The following NELL1 variants were observed in gnomAD, a reference collection of about 807,000 sequenced individuals.
NELL1 encodes the protein protein kinase C-binding protein NELL1.
NELL1 carries 76 observed loss-of-function variants against 107.4 expected under a neutral mutation model. That is an observed-to-expected ratio of 0.71 (90% CI 0.59 to 0.86). The LOEUF is 0.86. NELL1 is among the 40% of genes least tolerant of loss of function. The probability of loss-of-function intolerance (pLI) is 0.00; values close to 1 mark genes in which losing one functional copy is unlikely to be tolerated. For missense variants in NELL1, 1,024 were observed against 1,005.5 expected, an observed-to-expected ratio of 1.02 and a Z score of -0.25; for synonymous variants, 353 against 341.2, an observed-to-expected ratio of 1.03 and a Z score of -0.38.
chr11:20,905,057 C>G (rs2134137964), intron 5 of NELL1, among the ~76,000 whole-genome samples: 2 of 148,496 alleles, frequency 1.3e-5, no homozygotes, highest in Middle Eastern at 7.0e-3. Context: ...CCAGGCAGGT[C>G]TCAAACTCCT....
At position 21,095,617 on chromosome 11, in the gene NELL1, CT is replaced by C. The variant is rs1034904211; in HGVS notation, c.1301-17963del. The stretch of plus-strand genomic sequence containing the variant: ...ATGAGGAGTAAGTCACGTCTTTTTT[CT>C]TTTTTTTTCAAGACAGAGTTTTGTT... On this transcript the variant is annotated intron_variant, in intron 12 of 19. Coordinates refer to ENST00000357134, the MANE Select transcript of NELL1 (RefSeq NM_006157.5). Among the ~76,000 whole-genome samples the C allele has an allele frequency of 1.1e-3, 170 of 151,040 alleles. 1 individual carries two copies. Among genetic ancestry groups the C allele is most frequent in the East Asian group, 1.2e-3 (6 of 5,118 alleles).
chr11:20,744,093 G>A (rs755540339), intron 2 of NELL1, among the ~76,000 whole-genome samples: 2 of 152,086 alleles, frequency 1.3e-5, no homozygotes, highest in Non-Finnish European at 2.9e-5. Flanking sequence ...ATCTCACTGT[G>A]TCCATAGCCA....
At chr11:21,276,202 G>A (rs1848853486) in intron 14 of NELL1, among the ~76,000 whole-genome samples, 1 of 152,200 alleles carries the variant, frequency 6.6e-6, no homozygotes, top group South Asian at 2.1e-4. Context: ...CTTCAGCAAA[G>A]TCTCAGGATA....
intron 15 of NELL1, among the ~76,000 whole-genome samples, chr11:21,437,092 T>C (rs1272309024): frequency 6.6e-6 from 1 of 152,184 alleles, no homozygotes; most frequent in East Asian, 1.9e-4. Context: ...TCTGTAGCTT[T>C]TGGGTAAAAT....
chr11:21,402,261 T>C (rs77830232), intron 15 of NELL1, among the ~76,000 whole-genome samples: 3,198 of 151,926 alleles, frequency 0.021, 161 homozygotes, highest in African/African-American at 0.072. Flanking sequence ...GATCTCTTTC[T>C]ATACTTTGAG....
At chr11:20,796,333 AATTG>A in intron 3 of NELL1, among the ~76,000 whole-genome samples, 1 of 152,278 alleles carries the variant, frequency 6.6e-6, no homozygotes, top group Non-Finnish European at 1.5e-5. Flanking sequence ...ACTTTTATAA[AATTG>A]ATTGAAGAAT....
chr11:21,003,776 T>A (rs1852273737), intron 12 of NELL1, among the ~76,000 whole-genome samples: 1 of 152,100 alleles, frequency 6.6e-6, no homozygotes, highest in African/African-American at 2.4e-5. Flanking sequence ...GATTACCTTT[T>A]TTTAATTTTT....
chr11:21,193,858 T>C (rs1452918206), intron 13 of NELL1, among the ~76,000 whole-genome samples: 1 of 151,900 alleles, frequency 6.6e-6, no homozygotes, highest in Non-Finnish European at 1.5e-5. Context: ...CTCACTTTGA[T>C]GGAGAAAATA....
At chr11:21,418,013 C>T (rs1251093211) in intron 15 of NELL1, among the ~76,000 whole-genome samples, 1 of 152,058 alleles carries the variant, frequency 6.6e-6, no homozygotes, top group East Asian at 1.9e-4. Context: ...CATACACTGG[C>T]TAAATGAATC....
At chr11:20,918,050 G>A in intron 5 of NELL1, 132 bp from the exon 6 acceptor site, 1 of 677,902 alleles carries the variant, frequency 1.5e-6, no homozygotes, top group South Asian at 1.7e-5. Flanking sequence ...TATATACTAA[G>A]GCCAGCTCAC....
At chr11:20,933,837 G>A (rs989001310) in intron 9 of NELL1, among the ~76,000 whole-genome samples, 10 of 152,112 alleles carry the variant, frequency 6.6e-5, no homozygotes, top group South Asian at 2.1e-4. Flanking sequence ...GGTGTCTGTC[G>A]GTGCAAAAAG....
intron 2 of NELL1, among the ~76,000 whole-genome samples, chr11:20,704,241 C>A (rs960063585): frequency 8.5e-5 from 13 of 152,238 alleles, no homozygotes; most frequent in African/African-American, 2.2e-4. Flanking sequence ...TTGAATTGAT[C>A]CCTTTACCAT....
intron 4 of NELL1, among the ~76,000 whole-genome samples, chr11:20,865,366 G>A (rs1590361539): frequency 2.0e-5 from 3 of 152,162 alleles, no homozygotes. Flanking sequence ...TTCAAAAGAG[G>A]GTGTGCTCAG....
At chr11:21,420,810 A>T (rs1020139249) in intron 15 of NELL1, among the ~76,000 whole-genome samples, 4 of 152,178 alleles carry the variant, frequency 2.6e-5, no homozygotes, top group African/African-American at 9.7e-5. Flanking sequence ...ACAGTCTTCA[A>T]AATGGCAGTA....
chr11:21,243,896 C>A (rs1230573137), intron 14 of NELL1, among the ~76,000 whole-genome samples: 1 of 152,092 alleles, frequency 6.6e-6, no homozygotes, highest in Non-Finnish European at 1.5e-5. Context: ...AAGGGGTGAT[C>A]TCTGGAGAGG....
intron 16 of NELL1, among the ~76,000 whole-genome samples, chr11:21,542,455 T>C (rs1052334662): frequency 1.3e-5 from 2 of 152,018 alleles, no homozygotes; most frequent in Non-Finnish European, 2.9e-5. Context: ...AGATGGACAG[T>C]TACAATATTA....
At position 21,166,953 on chromosome 11, in the gene NELL1, G is replaced by A. The variant is rs184345639; in HGVS notation, c.1426+53239G>A. On this transcript the variant is annotated intron_variant, in intron 13 of 19. Coordinates refer to ENST00000357134, the MANE Select transcript of NELL1 (RefSeq NM_006157.5). ...AAGTCCTTACTAGCTTTCTTTGTTC[G>A]TAGGATAAAGTTGAAACACCCTACA... 2.3e-4 allele frequency among the ~76,000 whole-genome samples: 35 copies of A among 151,908 alleles called. No individual in the cohort carries two copies. In the East Asian group the frequency reaches 3.7e-3, roughly 16 times the overall value.
intron 14 of NELL1, among the ~76,000 whole-genome samples, chr11:21,251,616 T>G (rs1483589822): frequency 6.6e-6 from 1 of 151,810 alleles, no homozygotes; most frequent in African/African-American, 2.4e-5. Context: ...CAGGTAGGAA[T>G]ATTTAGGGAC....
chr11:21,060,454 T>C (rs1360471476), intron 12 of NELL1, among the ~76,000 whole-genome samples: 2 of 152,194 alleles, frequency 1.3e-5, no homozygotes, highest in African/African-American at 4.8e-5. Flanking sequence ...ATCATTATTA[T>C]GGGGGATTGT....
Sources: allele counts gnomAD v4.1 joint callset (sites outside exome capture counted in the v4.1 genomes callset), GRCh38; gene constraint gnomAD v4.1.1; transcripts MANE v1.5; gene names NCBI Gene and HGNC (gene_info 2026-07-23, HGNC 2026-07-21).